The following GLT6D1 variants were observed in gnomAD, a reference collection of about 807,000 sequenced individuals.
The protein encoded by GLT6D1 is glycosyltransferase 6 domain containing 1.
A neutral mutation model predicts 12.3 loss-of-function variants in GLT6D1; 9 were observed. The observed-to-expected ratio is 0.73, with a 90% CI of 0.44 to 1.27. The LOEUF (loss-of-function observed/expected upper bound fraction) is 1.27, where lower values mean the gene tolerates loss of function less well. GLT6D1 is among the 50% of genes most tolerant of loss of function. The pLI, the probability that GLT6D1 is intolerant of heterozygous loss-of-function variation, is 0.00. For synonymous variants in GLT6D1, 128 were observed against 132.3 expected, an observed-to-expected ratio of 0.97 and a Z score of 0.23; for missense variants, 335 against 346.2, an observed-to-expected ratio of 0.97 and a Z score of 0.26.
chr9:135,635,652 G>C (rs1174633711), intron 2 of GLT6D1, among the ~76,000 whole-genome samples: 4 of 152,220 alleles, frequency 2.6e-5, no homozygotes, highest in Non-Finnish European at 1.5e-5. Flanking sequence ...CAAGATCTGG[G>C]TACCAGGTGT....
Position 135,624,416 on chromosome 9 carries a change from C to T in GLT6D1, c.512G>A (p.Ser171Asn), listed in dbSNP as rs759486369. The change falls in exon 5 of 5, where the codon AGC (serine) becomes AAC (asparagine). Residue 171 changes from serine (S) to asparagine (N), a missense_variant. By Grantham distance (46) the Ser-to-Asn change is conservative. Coordinates refer to ENST00000371763, the MANE Select transcript of GLT6D1 (RefSeq NM_182974.3). ...HIQDEVDFLF[S>N]MAANQVFQNE... ...CTGGAAGACCTGGTTGGCAGCCATGCTGAAGAGGAAGTCCACCTCGTCCTG... is the reference window on the plus strand; with the variant it reads ...CTGGAAGACCTGGTTGGCAGCCATGTTGAAGAGGAAGTCCACCTCGTCCTG... 1.9e-6 allele frequency: 3 copies of T among 1,614,160 alleles called. No individual in the cohort carries two copies. The highest frequency in any genetic ancestry group is 2.2e-5 in the South Asian group (2 of 91,082).
At chr9:135,629,237 T>C (rs1301583861) in intron 3 of GLT6D1, among the ~76,000 whole-genome samples, 2 of 152,172 alleles carry the variant, frequency 1.3e-5, no homozygotes, top group South Asian at 2.1e-4. Context: ...AGATCTTTCA[T>C]TTTAATGTAG....
intron 2 of GLT6D1, among the ~76,000 whole-genome samples, chr9:135,633,005 A>G (rs1833683775): frequency 6.6e-6 from 1 of 152,042 alleles, no homozygotes; most frequent in African/African-American, 2.4e-5. Flanking sequence ...CAAATCCTCA[A>G]GCTCACCACA....
chr9:135,630,355 G>A (rs760742087), intron 3 of GLT6D1, among the ~76,000 whole-genome samples: 14 of 148,202 alleles, frequency 9.4e-5, no homozygotes, highest in Non-Finnish European at 1.6e-4. Context: ...GCAGTGAGCC[G>A]AGATCACGCC....
At chr9:135,637,298 G>A (rs1833798709) in intron 2 of GLT6D1, among the ~76,000 whole-genome samples, 2 of 149,222 alleles carry the variant, frequency 1.3e-5, no homozygotes, top group African/African-American at 2.5e-5. Context: ...ACCTGCTGAA[G>A]GGCATCTAGT....
At chr9:135,625,308 C>T (rs12347803) in intron 4 of GLT6D1, among the ~76,000 whole-genome samples, 8,243 of 152,108 alleles carry the variant, frequency 0.054, 391 homozygotes, top group African/African-American at 0.13. Flanking sequence ...AGGACTCGGC[C>T]ATCGACAGAG....
intron 2 of GLT6D1, among the ~76,000 whole-genome samples, chr9:135,635,113 T>C (rs1309600560): frequency 6.6e-6 from 1 of 152,214 alleles, no homozygotes; most frequent in African/African-American, 2.4e-5. Flanking sequence ...CCAACCTGTC[T>C]TCCTTCCTTT....
intron 3 of GLT6D1, among the ~76,000 whole-genome samples, chr9:135,626,670 T>G (rs757186840): frequency 6.6e-5 from 10 of 152,158 alleles, no homozygotes; most frequent in Admixed American, 2.0e-4. Context: ...CTTCTCTGCT[T>G]TCTTTTTCTC....
chr9:135,640,305 G>A (rs1833866149), upstream of GLT6D1, among the ~76,000 whole-genome samples: 1 of 152,156 alleles, frequency 6.6e-6, no homozygotes, highest in Non-Finnish European at 1.5e-5. Flanking sequence ...AGGTGAAACG[G>A]TAACAGTCTG....
chr9:135,628,772 T>C (rs908823366), intron 3 of GLT6D1, among the ~76,000 whole-genome samples: 2 of 152,098 alleles, frequency 1.3e-5, no homozygotes, highest in African/African-American at 4.8e-5. Context: ...ATAGCTCTAT[T>C]CAAATTTTCC....
intron 2 of GLT6D1, 34 bp from the exon 3 acceptor site, chr9:135,631,512 G>A (rs1471763205): frequency 6.5e-7 from 1 of 1,527,808 alleles, no homozygotes; most frequent in South Asian, 1.1e-5. Flanking sequence ...TGATTGCAAG[G>A]AGCCTGTTCA....
rs1399541841 is a variant in GLT6D1 at position 135,639,398 on chromosome 9, C to G, written c.-112G>C. 4 of 461,358 alleles carry G rather than the reference C, an allele frequency of 8.7e-6. No homozygotes were observed. The highest frequency in any genetic ancestry group is 1.5e-5 in the Non-Finnish European group (4 of 258,122). The allele number at this position is 461,358 out of a possible 1,614,324, so 28.6% of individuals were successfully genotyped here. A position where few individuals can be genotyped will look rare whatever the true frequency, so the allele number is the denominator to read the frequency against. On this transcript the variant is annotated 5_prime_UTR_variant, in exon 1 of 5. Coordinates refer to ENST00000371763, the MANE Select transcript of GLT6D1 (RefSeq NM_182974.3). ...CCGGGGCTGACTGTTCCCCGTGGGTCAGCTGCACGTGCACTGTCTCTCCCC... is the reference window on the plus strand; with the variant it reads ...CCGGGGCTGACTGTTCCCCGTGGGTGAGCTGCACGTGCACTGTCTCTCCCC...
intron 2 of GLT6D1, among the ~76,000 whole-genome samples, chr9:135,637,297 A>G (rs924675514): frequency 3.3e-5 from 5 of 149,310 alleles, no homozygotes; most frequent in Non-Finnish European, 7.4e-5. Context: ...CACCTGCTGA[A>G]GGGCATCTAG....
At position 135,631,416 on chromosome 9, in the gene GLT6D1, C is replaced by G. The variant is rs1486506845; in HGVS notation, c.119+15G>C. 1 of 1,597,330 alleles carries G rather than the reference C, an allele frequency of 6.3e-7. No homozygotes were observed. Among genetic ancestry groups the G allele is most frequent in the Admixed American group, 1.7e-5 (1 of 59,978 alleles). ...TTGTTTGTGTGTGCATGTAAACAGG[C>G]ATTTTTGTTCTTACCTAGGATGAAA... is the stretch of plus-strand genomic sequence containing the variant. On this transcript the variant is annotated intron_variant, in intron 3 of 4. Transcript: ENST00000371763.
chr9:135,629,174 A>G (rs974277247), intron 3 of GLT6D1, among the ~76,000 whole-genome samples: 6 of 152,138 alleles, frequency 3.9e-5, no homozygotes, highest in African/African-American at 1.4e-4. Context: ...TGGTCAACAC[A>G]GCAAGACCTC....
chr9:135,623,671 T>C lies in GLT6D1; in HGVS notation c.*426A>G, dbSNP rs956277223. ...AGTGAGTGGCCTGGCATTTATTTTTTCCTTTGCGTGAACTACTTTTCCATT... is the reference window on the plus strand; with the variant it reads ...AGTGAGTGGCCTGGCATTTATTTTTCCCTTTGCGTGAACTACTTTTCCATT... On this transcript the variant is annotated 3_prime_UTR_variant, in exon 5 of 5. Coordinates refer to ENST00000371763, the MANE Select transcript of GLT6D1 (RefSeq NM_182974.3). The C allele has an allele frequency of 8.1e-6, 1 of 122,902 alleles. No individual in the cohort carries two copies. Among genetic ancestry groups the C allele is most frequent in the Non-Finnish European group, 1.7e-5 (1 of 59,130 alleles). 7.6% of individuals were successfully genotyped at this position (122,902 alleles called of 1,614,324 possible). A position where few individuals can be genotyped will look rare whatever the true frequency, so the allele number is the denominator to read the frequency against.
chr9:135,627,088 C>T (rs577213911), intron 3 of GLT6D1, among the ~76,000 whole-genome samples: 73 of 152,222 alleles, frequency 4.8e-4, no homozygotes, highest in South Asian at 8.3e-4. Context: ...CAATGAGGAA[C>T]GTGGCAGTAC....
intron 3 of GLT6D1, among the ~76,000 whole-genome samples, chr9:135,628,495 G>A (rs1833566958): frequency 6.6e-6 from 1 of 151,892 alleles, no homozygotes; most frequent in Non-Finnish European, 1.5e-5. Context: ...TTCTATAATA[G>A]TATTTTGCTG....
chr9:135,626,713 C>T lies in GLT6D1; in HGVS notation c.120-507G>A, dbSNP rs187122463. 5.9e-5 allele frequency among the ~76,000 whole-genome samples: 9 copies of T among 152,274 alleles called. No individual in the cohort carries two copies. In the East Asian group the frequency reaches 1.7e-3, roughly 29 times the overall value. On this transcript the variant is annotated intron_variant, in intron 3 of 4. Coordinates refer to ENST00000371763, the MANE Select transcript of GLT6D1 (RefSeq NM_182974.3). ...TTTTCCTACAAGTTTCTGGGGATGC[C>T]CTTTTTTTCAGCTTCTCCCTCATGC...
Sources: allele counts gnomAD v4.1 joint callset (sites outside exome capture counted in the v4.1 genomes callset), GRCh38; gene constraint gnomAD v4.1.1; transcripts MANE v1.5; gene names NCBI Gene and HGNC (gene_info 2026-07-23, HGNC 2026-07-21).